LRRTM4: variants seen among roughly 807,000 people sequenced by gnomAD.
LRRTM4 encodes the protein leucine-rich repeat transmembrane neuronal protein 4.
In LRRTM4, 25 loss-of-function variants were observed where a neutral mutation model predicts 47.6. The observed-to-expected ratio is 0.53, with a 90% CI of 0.38 to 0.73. The LOEUF is 0.73. LRRTM4 is among the 30% of genes least tolerant of loss of function. The pLI is 0.00. For synonymous variants in LRRTM4, 311 were observed against 269.5 expected, an observed-to-expected ratio of 1.15 and a Z score of -1.51; for missense variants, 638 against 713.4, an observed-to-expected ratio of 0.89 and a Z score of 1.20.
intron 3 of LRRTM4, among the ~76,000 whole-genome samples, chr2:77,276,692 T>C (rs1471797544): frequency 5.4e-5 from 2 of 36,926 alleles, no homozygotes; most frequent in South Asian, 8.7e-4. Context: ...TACGCATATA[T>C]ATATATATAT....
intron 3 of LRRTM4, among the ~76,000 whole-genome samples, chr2:76,758,325 T>A (rs1324307337): frequency 6.6e-6 from 1 of 152,170 alleles, no homozygotes; most frequent in African/African-American, 2.4e-5. Context: ...TGAATTTCTT[T>A]CTATCCTGTA....
At chr2:76,856,148 A>AC (rs2103990530) in intron 3 of LRRTM4, among the ~76,000 whole-genome samples, 1 of 152,100 alleles carries the variant, frequency 6.6e-6, no homozygotes, top group African/African-American at 2.4e-5. Context: ...ATCGTGGCTG[A>AC]CGCCTGTTAC....
intron 3 of LRRTM4, among the ~76,000 whole-genome samples, chr2:77,075,642 G>A (rs982459123): frequency 4.6e-5 from 7 of 151,990 alleles, no homozygotes; most frequent in East Asian, 1.9e-4. Context: ...GGGGCCGGGC[G>A]CGGTGGCTCA....
intron 3 of LRRTM4, among the ~76,000 whole-genome samples, chr2:77,124,014 C>A (rs960488515): frequency 6.6e-6 from 1 of 151,928 alleles, no homozygotes; most frequent in South Asian, 2.1e-4. Context: ...ATGTAGACAG[C>A]GTAAGAAGCT....
intron 3 of LRRTM4, among the ~76,000 whole-genome samples, chr2:77,157,053 A>C: frequency 6.6e-6 from 1 of 152,214 alleles, no homozygotes; most frequent in Non-Finnish European, 1.5e-5. Context: ...TATTAAACAA[A>C]CCCTTAACAT....
chr2:77,224,108 G>T (rs1375612334), intron 3 of LRRTM4, among the ~76,000 whole-genome samples: 1 of 151,462 alleles, frequency 6.6e-6, no homozygotes, highest in African/African-American at 2.4e-5. Context: ...AAGCAATGGG[G>T]AAAGGATTCC....
intron 3 of LRRTM4, among the ~76,000 whole-genome samples, chr2:77,065,661 T>A (rs1405543616): frequency 6.6e-6 from 1 of 152,146 alleles, no homozygotes. Context: ...ATACTCAGTA[T>A]TAGGAAACAG....
At chr2:77,259,989 T>C (rs1009690988) in intron 3 of LRRTM4, among the ~76,000 whole-genome samples, 3 of 152,048 alleles carry the variant, frequency 2.0e-5, no homozygotes, top group Non-Finnish European at 4.4e-5. Flanking sequence ...GTGCATTCTA[T>C]GTGGAGAGTT....
intron 3 of LRRTM4, among the ~76,000 whole-genome samples, chr2:77,036,403 A>G (rs1456532516): frequency 6.6e-6 from 1 of 151,638 alleles, no homozygotes; most frequent in Non-Finnish European, 1.5e-5. Context: ...GAACATTATT[A>G]ATTTTTCTGG....
rs34184474 is a variant in LRRTM4, at chr2:76,851,755, GTTTT to G, written c.1552-102843_1552-102840del. 8.6e-3 allele frequency among the ~76,000 whole-genome samples: 1,007 copies of G among 117,700 alleles called. 14 individuals carry two copies. Among genetic ancestry groups the G allele is most frequent in the African/African-American group, 0.026 (831 of 32,426 alleles). 77.2% of individuals were successfully genotyped at this position (117,700 alleles called of 152,430 possible). A position where few individuals can be genotyped will look rare whatever the true frequency, so the allele number is the denominator to read the frequency against. On this transcript the variant is annotated intron_variant, in intron 3 of 3. Coordinates refer to ENST00000409884, the MANE Select transcript of LRRTM4 (RefSeq NM_001134745.3). ...ATGCTTAGATTTTTAACTTTTATTC[GTTTT>G]TTTTTTTTTTTTTTTTGACATTCTC...
At chr2:77,073,524 T>A (rs928306651) in intron 3 of LRRTM4, among the ~76,000 whole-genome samples, 10 of 152,118 alleles carry the variant, frequency 6.6e-5, no homozygotes, top group Admixed American at 6.6e-4. Context: ...TTCAATGTGA[T>A]CCACACAAAT....
intron 3 of LRRTM4, among the ~76,000 whole-genome samples, chr2:77,063,469 A>G (rs1156287475): frequency 2.6e-5 from 4 of 152,094 alleles, no homozygotes; most frequent in Admixed American, 6.6e-5. Context: ...CTGTACTGTT[A>G]AAGTTTTGGG....
At chr2:77,485,940 G>C (rs1453654611) in intron 3 of LRRTM4, among the ~76,000 whole-genome samples, 2 of 150,458 alleles carry the variant, frequency 1.3e-5, no homozygotes, top group African/African-American at 4.9e-5. Context: ...GTTTCACCAT[G>C]TTTGCCCAGG....
intron 3 of LRRTM4, among the ~76,000 whole-genome samples, chr2:77,193,733 G>A (rs13404667): frequency 0.11 from 17,420 of 152,056 alleles, 2,631 homozygotes; most frequent in African/African-American, 0.35. Flanking sequence ...GCCAGGAGGC[G>A]GGCATTGCAC....
chr2:76,861,741 T>TA lies in LRRTM4; in HGVS notation c.1552-112826_1552-112825insT, dbSNP rs545385308. On this transcript the variant is annotated intron_variant, in intron 3 of 3. Transcript: ENST00000409884. Reference sequence around the variant, plus strand: ...AGATGTATCAGTAAGAAGAAAGCCTTTTAGTGCTTATAACTCCAAATTGGA... The same window carrying TA: ...AGATGTATCAGTAAGAAGAAAGCCTTATTAGTGCTTATAACTCCAAATTGGA... 9.8e-5 allele frequency among the ~76,000 whole-genome samples: 15 copies of TA among 152,294 alleles called. 1 individual carries two copies. The South Asian group carries it at 2.7e-3, about 27-fold the overall frequency.
chr2:76,817,548 GAAACTTATTC>G lies in LRRTM4; in HGVS notation c.1552-68642_1552-68633del, dbSNP rs1461912873. On this transcript the variant is annotated intron_variant, in intron 3 of 3. Transcript: ENST00000409884. ...GAAATAATGGCTTCAGAAAGATTAG[GAAACTTATTC>G]AAGGTCACACAGCTAGTAAATTGGT... Among the ~76,000 whole-genome samples the G allele has an allele frequency of 3.3e-5, 5 of 151,956 alleles. No individual in the cohort carries two copies. In the East Asian group the frequency reaches 9.7e-4, roughly 29 times the overall value.
chr2:76,949,382 GATGCAGAGCAATACAGAGCTCAATATA>G (rs1206036359), intron 3 of LRRTM4, among the ~76,000 whole-genome samples: 3 of 151,960 alleles, frequency 2.0e-5, no homozygotes, highest in Non-Finnish European at 4.4e-5. Flanking sequence ...CAATAAAGGA[GATGCAGAGCAATACAGAGCTCAATATA>G]ATGCAAGGTA....
chr2:77,373,302 T>C (rs1672720146), intron 3 of LRRTM4, among the ~76,000 whole-genome samples: 1 of 151,360 alleles, frequency 6.6e-6, no homozygotes, highest in Non-Finnish European at 1.5e-5. Context: ...ATATATTTAG[T>C]TGTTACATCT....
At chr2:76,798,747 A>G (rs372336477) in intron 3 of LRRTM4, among the ~76,000 whole-genome samples, 1 of 151,136 alleles carries the variant, frequency 6.6e-6, no homozygotes, top group Non-Finnish European at 1.5e-5. Context: ...AAATAGATGC[A>G]ATAAAAAATG....
Sources: gnomAD v4.1 joint callset for allele counts (sites outside exome capture counted in the v4.1 genomes callset) on GRCh38, gnomAD v4.1.1 for gene constraint, MANE v1.5 for transcripts, NCBI Gene and HGNC (gene_info 2026-07-23, HGNC 2026-07-21) for gene names.